The following KCTD14 variants were observed in gnomAD, a reference collection of about 807,000 sequenced individuals.
KCTD14 encodes the protein BTB/POZ domain-containing protein KCTD14.
In KCTD14, 7 loss-of-function variants were observed where a neutral mutation model predicts 5.9. The ratio of observed to expected loss-of-function variants is 1.19; its 90% CI spans 0.68 to 2.23. The LOEUF (loss-of-function observed/expected upper bound fraction) is 2.23, where lower values mean the gene tolerates loss of function less well. Among genes scored for constraint, KCTD14 ranks in the 30% most tolerant of loss-of-function variants. The pLI is 0.00. For synonymous variants in KCTD14, 140 were observed against 133.1 expected (o/e 1.05, Z -0.36); for missense variants, 342 against 332.2 (o/e 1.03, Z -0.23).
At chr11:78,021,786 C>T (rs928963815) in intron 1 of KCTD14, among the ~76,000 whole-genome samples, 3 of 152,122 alleles carry the variant, frequency 2.0e-5, no homozygotes, top group Admixed American at 1.3e-4. Context: ...AGTAACTTTT[C>T]ATTCCCTTCC....
chr11:78,036,235 A>G (rs1443530780), intron 2 of KCTD14, among the ~76,000 whole-genome samples: 1 of 152,192 alleles, frequency 6.6e-6, no homozygotes, highest in Non-Finnish European at 1.5e-5. Flanking sequence ...TTCTGCCTGC[A>G]TATCTATATG....
intron 1 of KCTD14, among the ~76,000 whole-genome samples, chr11:78,039,364 A>C (rs1857923824): frequency 7.3e-6 from 1 of 137,780 alleles, no homozygotes; most frequent in Admixed American, 7.2e-5. Flanking sequence ...AAAAAATACA[A>C]AAAAAATAAA....
chr11:78,041,859 C>T (rs1858001848), intron 1 of KCTD14, among the ~76,000 whole-genome samples: 2 of 152,156 alleles, frequency 1.3e-5, no homozygotes, highest in Non-Finnish European at 2.9e-5. Flanking sequence ...TCATCCTAAT[C>T]GAGCTGAACA....
intron 2 of KCTD14, among the ~76,000 whole-genome samples, chr11:78,038,409 G>A (rs750196025): frequency 4.6e-5 from 7 of 152,202 alleles, no homozygotes; most frequent in African/African-American, 7.2e-5. Context: ...CCAGGACCAC[G>A]TGCAAACAAT....
intron 1 of KCTD14, among the ~76,000 whole-genome samples, chr11:78,017,791 A>G (rs1857210920): frequency 6.6e-6 from 1 of 152,094 alleles, no homozygotes; most frequent in Non-Finnish European, 1.5e-5. Context: ...TCTTAATTTT[A>G]GGTCATAGAA....
intron 1 of KCTD14, among the ~76,000 whole-genome samples, chr11:78,020,067 A>G (rs904195385): frequency 1.3e-5 from 2 of 152,246 alleles, no homozygotes; most frequent in African/African-American, 2.4e-5. Context: ...CTCACAGTGG[A>G]GACAGCGAAA....
At chr11:78,027,003 G>A (rs540617359), upstream of KCTD14, among the ~76,000 whole-genome samples, 8 of 152,216 alleles carry the variant, frequency 5.3e-5, no homozygotes, top group South Asian at 4.1e-4. Context: ...GGAGGCTGAG[G>A]CAGGAGAATT....
intron 1 of KCTD14, chr11:78,022,887 A>G (rs899070630): frequency 2.2e-6 from 1 of 446,052 alleles, no homozygotes; most frequent in African/African-American, 2.1e-5. Flanking sequence ...CTAAAGACCC[A>G]ATGTAGAGGG....
intron 2 of KCTD14, among the ~76,000 whole-genome samples, chr11:78,031,893 G>T (rs1857629139): frequency 1.3e-5 from 2 of 152,188 alleles, no homozygotes; most frequent in South Asian, 4.1e-4. Context: ...AGAAACTATA[G>T]ATATGGATAG....
At chr11:78,029,258 C>T (rs1431155302) in intron 2 of KCTD14, among the ~76,000 whole-genome samples, 1 of 151,508 alleles carries the variant, frequency 6.6e-6, no homozygotes, top group African/African-American at 2.4e-5. Context: ...ATCCTGAAGT[C>T]GCTGACACGC....
At chr11:78,042,178 T>C (rs1329904352) in intron 1 of KCTD14, among the ~76,000 whole-genome samples, 4 of 152,228 alleles carry the variant, frequency 2.6e-5, no homozygotes. Flanking sequence ...CCTGGGCATA[T>C]GCCAAGCTAA....
exon 1 of KCTD14, chr11:78,046,132 A>C: frequency 1.0e-6 from 1 of 985,468 alleles, no homozygotes; most frequent in Non-Finnish European, 1.2e-6. Flanking sequence ...AACAGCAAAA[A>C]AGGAGTCCAC....
chr11:78,038,523 A>G (rs956661722), intron 2 of KCTD14: 4 of 954,716 alleles, frequency 4.2e-6, no homozygotes, highest in Non-Finnish European at 6.2e-6. Context: ...AGAGGAATCA[A>G]CCGCACCCCA....
chr11:78,016,262 A>G lies in KCTD14; in HGVS notation c.*331T>C. On this transcript the variant is annotated 3_prime_UTR_variant, in exon 2 of 2. Transcript: ENST00000353172. ...AGGTCAGAACATCTAGATTCACAGT[A>G]TCTTGTATGTTCCTGTTGTCATCTC... 1 of 334,102 alleles carries G rather than the reference A, an allele frequency of 3.0e-6. No individual in the cohort carries two copies. Among genetic ancestry groups the G allele is most frequent in the Non-Finnish European group, 5.5e-6 (1 of 180,192 alleles). The allele number at this position is 334,102 out of a possible 1,614,324, so 20.7% of individuals were successfully genotyped here. A position where few individuals can be genotyped will look rare whatever the true frequency, so the allele number is the denominator to read the frequency against.
chr11:78,039,759 A>T (rs1857939474), intron 1 of KCTD14, among the ~76,000 whole-genome samples: 1 of 151,734 alleles, frequency 6.6e-6, no homozygotes, highest in Non-Finnish European at 1.5e-5. Flanking sequence ...AAAAAAAAAA[A>T]AGTGTACTCA....
At chr11:78,023,502 T>A, upstream of KCTD14, 1 of 481,912 alleles carries the variant, frequency 2.1e-6, no homozygotes, top group Non-Finnish European at 3.7e-6. Context: ...ATTTCCTTCC[T>A]TTTCTTTCTT....
chr11:78,036,344 A>AT (rs1252694480), intron 2 of KCTD14, among the ~76,000 whole-genome samples: 37 of 152,286 alleles, frequency 2.4e-4, no homozygotes, highest in African/African-American at 7.9e-4. Flanking sequence ...AGGGGAGCTG[A>AT]TTTTCACAGG....
chr11:78,033,901 G>GTGTGTATATATATATATATATATA, intron 2 of KCTD14, among the ~76,000 whole-genome samples: 1,215 of 115,240 alleles, frequency 0.011, 20 homozygotes, highest in Admixed American at 0.022. Flanking sequence ...GTGTGTGTGT[G>GTGTGTATATATATATATATATATA]TATATATATA....
chr11:78,017,038 C>T lies in KCTD14; in HGVS notation c.323G>A (p.Arg108His), dbSNP rs775331707. The change falls in exon 2 of 2, where the codon CGT becomes CAT. Residue 108 changes from arginine to histidine, a missense_variant. Physicochemically the swap from Arg to His is conservative, Grantham distance 29. Coordinates refer to ENST00000353172, the MANE Select transcript of KCTD14 (RefSeq NM_023930.4). ...CTTGATTTCGTAGAACTGAGCCTCACGGTACACTTCAGGGATGTGCTGTGT... is the reference window on the plus strand; with the variant it reads ...CTTGATTTCGTAGAACTGAGCCTCATGGTACACTTCAGGGATGTGCTGTGT... The part of the protein sequence containing the change: ...VPTQHIPEVY[R>H]EAQFYEIKPL... 102 of 1,614,110 alleles carry T rather than the reference C, an allele frequency of 6.3e-5. 1 individual carries two copies. Among genetic ancestry groups the T allele is most frequent in the African/African-American group, 9.3e-5 (7 of 74,926 alleles).
Sources: gnomAD v4.1 joint callset for allele counts (sites outside exome capture counted in the v4.1 genomes callset) on GRCh38, gnomAD v4.1.1 for gene constraint, MANE v1.5 for transcripts, NCBI Gene and HGNC (gene_info 2026-07-23, HGNC 2026-07-21) for gene names.